The following NMNAT2 variants were observed in gnomAD, a reference collection of about 807,000 sequenced individuals.
NMNAT2 encodes nicotinamide nucleotide adenylyltransferase 2.
In NMNAT2, 11 loss-of-function variants were observed where a neutral mutation model predicts 41.6. That is an observed-to-expected ratio of 0.26 (90% CI 0.17 to 0.44). The LOEUF (loss-of-function observed/expected upper bound fraction) is 0.44, where lower values mean the gene tolerates loss of function less well. NMNAT2 is among the 20% of genes least tolerant of loss of function. NMNAT2 has a pLI of 1.00. For synonymous variants in NMNAT2, 148 were observed against 151.2 expected, an observed-to-expected ratio of 0.98 and a Z score of 0.16; for missense variants, 288 against 407.7, an observed-to-expected ratio of 0.71 and a Z score of 2.53.
chr1:183,263,090 C>T (rs1194355061), intron 8 of NMNAT2, among the ~76,000 whole-genome samples: 3 of 152,180 alleles, frequency 2.0e-5, no homozygotes, highest in Non-Finnish European at 4.4e-5. Flanking sequence ...TTTCTGTCCA[C>T]CTTTACCCTG....
chr1:183,318,892 T>C (rs1417310215), intron 1 of NMNAT2, among the ~76,000 whole-genome samples: 2 of 152,234 alleles, frequency 1.3e-5, no homozygotes, highest in Non-Finnish European at 2.9e-5. Context: ...TTATTATTTA[T>C]TGAATCATCA....
intron 1 of NMNAT2, among the ~76,000 whole-genome samples, chr1:183,386,673 T>G (rs1037235386): frequency 2.6e-5 from 4 of 152,216 alleles, no homozygotes; most frequent in African/African-American, 9.6e-5. Context: ...TATAGTTATG[T>G]ATTCTGCCTT....
At chr1:183,308,401 A>G (rs941849315) in intron 1 of NMNAT2, among the ~76,000 whole-genome samples, 1 of 152,274 alleles carries the variant, frequency 6.6e-6, no homozygotes, top group Non-Finnish European at 1.5e-5. Context: ...GGCAGTCAGC[A>G]TCTATCAAAA....
At chr1:183,398,139 T>C (rs553365735) in intron 1 of NMNAT2, among the ~76,000 whole-genome samples, 3 of 152,174 alleles carry the variant, frequency 2.0e-5, no homozygotes, top group South Asian at 2.1e-4. Flanking sequence ...AGTCAAGACC[T>C]ATCAGTGTGC....
At chr1:183,316,523 T>G (rs1433119468) in intron 1 of NMNAT2, among the ~76,000 whole-genome samples, 2 of 152,118 alleles carry the variant, frequency 1.3e-5, no homozygotes, top group African/African-American at 4.8e-5. Context: ...AGCCCTGGAT[T>G]TCTTCCTGGG....
chr1:183,266,050 TG>T (rs1194712782), intron 8 of NMNAT2, among the ~76,000 whole-genome samples: 1 of 152,218 alleles, frequency 6.6e-6, no homozygotes, highest in Non-Finnish European at 1.5e-5. Context: ...CTCTAGAAGC[TG>T]GAAAAGTCAA....
chr1:183,311,812 G>A (rs548728822), intron 1 of NMNAT2, among the ~76,000 whole-genome samples: 2 of 151,372 alleles, frequency 1.3e-5, no homozygotes, highest in Non-Finnish European at 2.9e-5. Flanking sequence ...TGGCTTGGCT[G>A]TGTCCCCACT....
chr1:183,320,178 A>G (rs1662329844), intron 1 of NMNAT2, among the ~76,000 whole-genome samples: 1 of 152,238 alleles, frequency 6.6e-6, no homozygotes, highest in Non-Finnish European at 1.5e-5. Flanking sequence ...AATTGTTAGG[A>G]ATGAGGAGAG....
intron 4 of NMNAT2, among the ~76,000 whole-genome samples, chr1:183,288,609 A>C (rs1055158905): frequency 3.3e-5 from 5 of 152,212 alleles, no homozygotes; most frequent in Non-Finnish European, 4.4e-5. Context: ...TATGGCCAGC[A>C]CTGAGGAATG....
chr1:183,393,865 G>A (rs1322084757), intron 1 of NMNAT2, among the ~76,000 whole-genome samples: 2 of 152,120 alleles, frequency 1.3e-5, no homozygotes, highest in Non-Finnish European at 2.9e-5. Context: ...CTTGGCTCTT[G>A]ATTTATTCAA....
At chr1:183,399,203 GACGC>G (rs1648740355) in intron 1 of NMNAT2, among the ~76,000 whole-genome samples, 1 of 152,034 alleles carries the variant, frequency 6.6e-6, no homozygotes. Context: ...GAATCAAACA[GACGC>G]AATAAAAAAT....
intron 1 of NMNAT2, among the ~76,000 whole-genome samples, chr1:183,303,180 C>G (rs1661908340): frequency 6.6e-6 from 1 of 152,104 alleles, no homozygotes; most frequent in Non-Finnish European, 1.5e-5. Flanking sequence ...CCACTGTCAC[C>G]AAGGGAGTCT....
At chr1:183,355,788 A>G (rs1266961536) in intron 1 of NMNAT2, among the ~76,000 whole-genome samples, 3 of 152,196 alleles carry the variant, frequency 2.0e-5, no homozygotes, top group African/African-American at 7.2e-5. Flanking sequence ...GGGCCTGTAC[A>G]GGTCGTGTTG....
At chr1:183,325,879 G>A (rs1292531596) in intron 1 of NMNAT2, among the ~76,000 whole-genome samples, 2 of 152,098 alleles carry the variant, frequency 1.3e-5, no homozygotes, top group South Asian at 2.1e-4. Context: ...ATTCTATCCC[G>A]GGTACCCAGC....
chr1:183,380,012 C>G (rs1205558285), intron 1 of NMNAT2, among the ~76,000 whole-genome samples: 3 of 152,186 alleles, frequency 2.0e-5, no homozygotes, highest in Non-Finnish European at 2.9e-5. Context: ...GCAACTTTAA[C>G]TGAGAGATAT....
chr1:183,391,890 T>A (rs2185082), intron 1 of NMNAT2, among the ~76,000 whole-genome samples: 8,974 of 152,188 alleles, frequency 0.059, 522 homozygotes, highest in South Asian at 0.17. Flanking sequence ...TTCCTCTGTC[T>A]CCCTGGCTGC....
intron 1 of NMNAT2, among the ~76,000 whole-genome samples, chr1:183,412,895 T>C (rs190708920): frequency 1.2e-4 from 18 of 152,338 alleles, no homozygotes; most frequent in African/African-American, 4.3e-4. Flanking sequence ...TCTATTCATG[T>C]GGAGGCAATT....
At position 183,251,590 on chromosome 1, in the gene NMNAT2, T is replaced by C. The variant is rs542788327; in HGVS notation, c.*1051A>G. The C allele has an allele frequency of 6.5e-6, 1 of 152,748 alleles. No individual in the cohort carries two copies. The highest frequency in any genetic ancestry group is 6.5e-5 in the Admixed American group (1 of 15,296). The allele number at this position is 152,748 out of a possible 1,614,324, so 9.5% of individuals were successfully genotyped here. ...TTGTTCTCAGGTACAGGAATGTGTCTAAGCATGGCCTCCAAAGGTCCCTTG... is the reference window on the plus strand; with the variant it reads ...TTGTTCTCAGGTACAGGAATGTGTCCAAGCATGGCCTCCAAAGGTCCCTTG... On this transcript the variant is annotated 3_prime_UTR_variant, in exon 11 of 11. Coordinates refer to ENST00000287713, the MANE Select transcript of NMNAT2 (RefSeq NM_015039.4).
At chr1:183,319,807 G>A (rs906089849) in intron 1 of NMNAT2, among the ~76,000 whole-genome samples, 9 of 152,210 alleles carry the variant, frequency 5.9e-5, no homozygotes, top group African/African-American at 2.2e-4. Context: ...TTGAGAGTGG[G>A]ATGCAACTTA....
Sources: gnomAD v4.1 joint callset for allele counts (sites outside exome capture counted in the v4.1 genomes callset) on GRCh38, gnomAD v4.1.1 for gene constraint, MANE v1.5 for transcripts, NCBI Gene and HGNC (gene_info 2026-07-23, HGNC 2026-07-21) for gene names.